AGAP1: variants seen among roughly 807,000 people sequenced by gnomAD.
The protein encoded by AGAP1 is ArfGAP with GTPase domain, ankyrin repeat and PH domain 1, also known as arf-GAP with GTPase, ANK repeat and PH domain-containing protein 1.
In AGAP1, 29 loss-of-function variants were observed where a neutral mutation model predicts 105.3. That is an observed-to-expected ratio of 0.28 (90% CI 0.21 to 0.38). The LOEUF (loss-of-function observed/expected upper bound fraction) is 0.38, where lower values mean the gene tolerates loss of function less well. Among genes scored for constraint, AGAP1 ranks in the 10% least tolerant of loss-of-function variants. The probability of loss-of-function intolerance (pLI) is 1.00; values close to 1 mark genes in which losing one functional copy is unlikely to be tolerated. For synonymous variants in AGAP1, 509 were observed against 485.9 expected, an observed-to-expected ratio of 1.05 and a Z score of -0.63; for missense variants, 998 against 1,165.1, an observed-to-expected ratio of 0.86 and a Z score of 2.09.
At position 235,900,634 on chromosome 2, in the gene AGAP1, C is replaced by A. The variant is rs144477098; in HGVS notation, c.1156-8104C>A. On this transcript the variant is annotated intron_variant, in intron 10 of 17. Transcript: ENST00000304032. The surrounding 1 kb of genome is among the most constrained non-coding windows in gnomAD (Gnocchi z 5.5). ...TCTGGAGAACTTTGCCTCAGCCCTG[C>A]AAAGTATTGTCACCTAGTTGGCATT... Among the ~76,000 whole-genome samples the A allele has an allele frequency of 3.9e-3, 592 of 152,228 alleles. 5 individuals are homozygous for A. The highest frequency in any genetic ancestry group is 0.013 in the African/African-American group (556 of 41,536).
At chr2:235,743,334 T>C (rs1181038922) in intron 4 of AGAP1, among the ~76,000 whole-genome samples, 1 of 152,178 alleles carries the variant, frequency 6.6e-6, no homozygotes, top group Non-Finnish European at 1.5e-5. Context: ...TCAGATGGGC[T>C]TCAGCTCCCG....
chr2:235,829,700 T>C (rs1163508306), intron 9 of AGAP1, among the ~76,000 whole-genome samples: 1 of 152,258 alleles, frequency 6.6e-6, no homozygotes, highest in Non-Finnish European at 1.5e-5. Context: ...TGGGAAATTC[T>C]TCAAACTCCA....
chr2:236,037,582 A>G (rs1367859229), intron 14 of AGAP1, among the ~76,000 whole-genome samples: 1 of 151,968 alleles, frequency 6.6e-6, no homozygotes, highest in African/African-American at 2.4e-5. Flanking sequence ...TGTAATATAT[A>G]TTATTTGTGG....
chr2:235,779,423 C>T lies in AGAP1; in HGVS notation c.674-18336C>T, dbSNP rs140591017. On this transcript the variant is annotated intron_variant, in intron 6 of 17. Coordinates refer to ENST00000304032, the MANE Select transcript of AGAP1 (RefSeq NM_001037131.3). The stretch of plus-strand genomic sequence containing the variant: ...GATGAATATTGGTTACATTTCATCC[C>T]GTAGGACCTTAGTCTGTCTGGTCAC... Among the ~76,000 whole-genome samples, 75 of 152,308 alleles carry T rather than the reference C, an allele frequency of 4.9e-4. 1 individual carries two copies. The highest frequency in any genetic ancestry group is 1.4e-3 in the African/African-American group (60 of 41,560).
chr2:235,822,841 T>C (rs1958869729), intron 9 of AGAP1, among the ~76,000 whole-genome samples: 2 of 152,126 alleles, frequency 1.3e-5, no homozygotes. Flanking sequence ...GGCTTCCTGG[T>C]CGTGGACCCC....
chr2:235,698,700 C>T lies in AGAP1; in HGVS notation c.164-10479C>T, dbSNP rs539535868. Among the ~76,000 whole-genome samples the T allele has an allele frequency of 5.3e-5, 8 of 152,322 alleles. No individual in the cohort carries two copies. In the South Asian group the frequency reaches 1.0e-3, roughly 20 times the overall value. ...GTGCCAGGAACCCCTGGCGGGAGGC[C>T]GTGTCTCCCTAGTGTGACAGCTGGC... On this transcript the variant is annotated intron_variant, in intron 1 of 17. Transcript: ENST00000304032.
At chr2:235,757,250 G>T (rs1459098185) in intron 6 of AGAP1, among the ~76,000 whole-genome samples, 1 of 152,224 alleles carries the variant, frequency 6.6e-6, no homozygotes, top group Admixed American at 6.5e-5. Context: ...TTCTGTCCTA[G>T]AACAGATCTG....
intron 6 of AGAP1, among the ~76,000 whole-genome samples, chr2:235,772,473 T>C (rs1342381341): frequency 6.6e-6 from 1 of 152,224 alleles, no homozygotes; most frequent in Non-Finnish European, 1.5e-5. Flanking sequence ...TAGCTGTTCC[T>C]CAGTCAGCTA....
intron 10 of AGAP1, among the ~76,000 whole-genome samples, chr2:235,897,582 G>A (rs1285455927): frequency 6.6e-6 from 1 of 152,108 alleles, no homozygotes; most frequent in Admixed American, 6.6e-5. Flanking sequence ...ATCGTCTCTG[G>A]CCGTCCTTTG....
rs762131181 is a variant in AGAP1 at position 235,701,336 on chromosome 2, C to T, written c.164-7843C>T. Among the ~76,000 whole-genome samples the T allele has an allele frequency of 3.3e-5, 5 of 151,944 alleles. No individual in the cohort carries two copies. Among genetic ancestry groups the T allele is most frequent in the Non-Finnish European group, 7.4e-5 (5 of 68,006 alleles). ...GTTGTTGTGACAGATTCTAAGTCGC[C>T]TCAGGGCTCAGGGGAAAGAGCCTTG... On this transcript the variant is annotated intron_variant, in intron 1 of 17. Transcript: ENST00000304032. The surrounding 1 kb of genome is among the most constrained non-coding windows in gnomAD (Gnocchi z 4.1).
Position 235,699,118 on chromosome 2 carries a change from G to A in AGAP1, c.164-10061G>A, listed in dbSNP as rs943845856. 1.4e-4 allele frequency among the ~76,000 whole-genome samples: 22 copies of A among 151,830 alleles called. No individual in the cohort carries two copies. In the East Asian group the frequency reaches 4.3e-3, roughly 30 times the overall value. On this transcript the variant is annotated intron_variant, in intron 1 of 17. Coordinates refer to ENST00000304032, the MANE Select transcript of AGAP1 (RefSeq NM_001037131.3). ...CTCGCACAGGAGGGACGGGGAGGCA[G>A]GAGGGAAAGAACTGGTCGGGCAGGA...
chr2:235,815,987 C>T (rs982328314), intron 9 of AGAP1, among the ~76,000 whole-genome samples: 4 of 152,210 alleles, frequency 2.6e-5, no homozygotes, highest in African/African-American at 9.6e-5. Context: ...AATGTTGGGC[C>T]TGTAGCTGGG....
chr2:236,124,291 A>G lies in AGAP1; in HGVS notation c.*169A>G. Reference sequence around the variant, plus strand: ...CCAAACAAAATCACAAAACCTGGACATCCCTCAAGGGGCGAAGAGGCGGCC... The same window carrying G: ...CCAAACAAAATCACAAAACCTGGACGTCCCTCAAGGGGCGAAGAGGCGGCC... On this transcript the variant is annotated 3_prime_UTR_variant, in exon 18 of 18. Coordinates refer to ENST00000304032, the MANE Select transcript of AGAP1 (RefSeq NM_001037131.3). The surrounding 1 kb of genome is among the most constrained non-coding windows in gnomAD (Gnocchi z 5.1). The G allele has an allele frequency of 4.0e-6, 3 of 754,244 alleles. No homozygotes were observed. The highest frequency in any genetic ancestry group is 4.0e-6 in the Non-Finnish European group (2 of 495,290). 46.7% of individuals were successfully genotyped at this position (754,244 alleles called of 1,614,324 possible). A position where few individuals can be genotyped will look rare whatever the true frequency, so the allele number is the denominator to read the frequency against.
In AGAP1 at chr2:235,893,734, C is replaced by T. The variant is rs2050667471; in HGVS notation, c.1155+10285C>T. Among the ~76,000 whole-genome samples, 2 of 152,168 alleles carry T rather than the reference C, an allele frequency of 1.3e-5. No homozygotes were observed. Among genetic ancestry groups the T allele is most frequent in the Non-Finnish European group, 2.9e-5 (2 of 68,040 alleles). On this transcript the variant is annotated intron_variant, in intron 10 of 17. Transcript: ENST00000304032. This position sits in a 1 kb window ranked among gnomAD's most constrained non-coding sequence, Gnocchi z 4.7. Reference sequence around the variant, plus strand: ...TCCCCACAGTCTGCCCAGGGGCTGTCATGTGAGTGGCACATAGGTATTGCT... The same window carrying T: ...TCCCCACAGTCTGCCCAGGGGCTGTTATGTGAGTGGCACATAGGTATTGCT...
chr2:235,545,876 G>A (rs768297845), intron 1 of AGAP1, among the ~76,000 whole-genome samples: 5 of 152,220 alleles, frequency 3.3e-5, no homozygotes, highest in Non-Finnish European at 5.9e-5. Flanking sequence ...ACCAGGCATC[G>A]TAGGCATTGC....
intron 6 of AGAP1, among the ~76,000 whole-genome samples, chr2:235,762,201 A>C (rs1954505463): frequency 1.3e-5 from 2 of 152,034 alleles, no homozygotes; most frequent in Admixed American, 6.6e-5. Flanking sequence ...GGAGCTACCC[A>C]CAAACCACTG....
chr2:236,090,221 C>T lies in AGAP1; in HGVS notation c.2115-29971C>T, dbSNP rs1054626409. On this transcript the variant is annotated intron_variant, in intron 16 of 17. Transcript: ENST00000304032. This position sits in a 1 kb window ranked among gnomAD's most constrained non-coding sequence, Gnocchi z 4.3. ...TGGGTAGAAATGGCAGTTTTGTGGT[C>T]GTTCGCACCCAGGACTTTGATGTTC... 1.3e-5 allele frequency among the ~76,000 whole-genome samples: 2 copies of T among 152,130 alleles called. No homozygotes were observed. The highest frequency in any genetic ancestry group is 1.3e-4 in the Admixed American group (2 of 15,274).
chr2:236,125,824 C>A lies in AGAP1; in HGVS notation c.*1702C>A, dbSNP rs982515026. 1 of 152,130 alleles carries A rather than the reference C, an allele frequency of 6.6e-6. No individual in the cohort carries two copies. Among genetic ancestry groups the A allele is most frequent in the African/African-American group, 2.4e-5 (1 of 41,418 alleles). The allele number at this position is 152,130 out of a possible 1,614,324, so 9.4% of individuals were successfully genotyped here. On this transcript the variant is annotated 3_prime_UTR_variant, in exon 18 of 18. Coordinates refer to ENST00000304032, the MANE Select transcript of AGAP1 (RefSeq NM_001037131.3). The surrounding 1 kb of genome is among the most constrained non-coding windows in gnomAD (Gnocchi z 5.2). The stretch of plus-strand genomic sequence containing the variant: ...ATGTAGTCAACCAAACCACAGCATC[C>A]CTTAGGTTAAAAGCAAACGGGGCAG...
rs1055517639 is a variant in AGAP1 at position 235,927,535 on chromosome 2, T to C, written c.1325-3230T>C. On this transcript the variant is annotated intron_variant, in intron 11 of 17. Coordinates refer to ENST00000304032, the MANE Select transcript of AGAP1 (RefSeq NM_001037131.3). This position sits in a 1 kb window ranked among gnomAD's most constrained non-coding sequence, Gnocchi z 4.4. ...TTTTTGGCAGTGTGATGTTTGGCCATGAGATGAAGAACTCATAAACCTAAG... is the reference window on the plus strand; with the variant it reads ...TTTTTGGCAGTGTGATGTTTGGCCACGAGATGAAGAACTCATAAACCTAAG... 2.0e-5 allele frequency among the ~76,000 whole-genome samples: 3 copies of C among 152,186 alleles called. No homozygotes were observed. The highest frequency in any genetic ancestry group is 4.4e-5 in the Non-Finnish European group (3 of 68,034).
Sources: gnomAD v4.1 joint callset for allele counts (sites outside exome capture counted in the v4.1 genomes callset) on GRCh38, gnomAD v4.1.1 for gene constraint, Gnocchi (gnomAD v3.1) non-coding constraint, MANE v1.5 for transcripts, NCBI Gene and HGNC (gene_info 2026-07-23, HGNC 2026-07-21) for gene names.